Variants in NFATC1 observed in about 807,000 individuals in gnomAD.
NFATC1 encodes nuclear factor of activated T-cells, cytoplasmic 1.
In NFATC1, 22 loss-of-function variants were observed where a neutral mutation model predicts 76.0. That is an observed-to-expected ratio of 0.29 (90% confidence interval 0.21 to 0.41). The LOEUF is 0.41. NFATC1 is among the 10% of genes least tolerant of loss of function. The probability of loss-of-function intolerance (pLI) is 1.00; values close to 1 mark genes in which losing one functional copy is unlikely to be tolerated. For missense variants in NFATC1, 1,357 were observed against 1,337.7 expected (o/e 1.01, Z -0.23); for synonymous variants, 704 against 613.1 (o/e 1.15, Z -2.19).
chr18:79,492,865 C>G (rs1272140717), intron 9 of NFATC1, among the ~76,000 whole-genome samples: 3 of 139,550 alleles, frequency 2.1e-5, no homozygotes, highest in Non-Finnish European at 4.5e-5. Context: ...CAAAGCGAGA[C>G]TCCATCTCAA....
intron 1 of NFATC1, among the ~76,000 whole-genome samples, chr18:79,402,625 G>A (rs1030081963): frequency 7.2e-5 from 11 of 152,158 alleles, no homozygotes; most frequent in Non-Finnish European, 1.3e-4. Flanking sequence ...TTGGGGCTCC[G>A]AGCAGGAGAG....
At chr18:79,487,322 C>T (rs1031266041) in intron 9 of NFATC1, among the ~76,000 whole-genome samples, 14 of 152,220 alleles carry the variant, frequency 9.2e-5, no homozygotes, top group Admixed American at 7.2e-4. Flanking sequence ...GCAGTCGGGG[C>T]ATCGTGGGTG....
At chr18:79,450,084 G>A (rs997270326) in intron 4 of NFATC1, among the ~76,000 whole-genome samples, 10 of 152,152 alleles carry the variant, frequency 6.6e-5, no homozygotes, top group Non-Finnish European at 1.3e-4. Flanking sequence ...TGGCGGCTGC[G>A]TTCACCCCAC....
chr18:79,482,148 G>T (rs2089299089), intron 8 of NFATC1, among the ~76,000 whole-genome samples: 1 of 147,684 alleles, frequency 6.8e-6, no homozygotes. Context: ...CGTTCCTGGG[G>T]TGTAATTCCA....
At chr18:79,453,465 C>T (rs770624782) in intron 6 of NFATC1, among the ~76,000 whole-genome samples, 3 of 152,268 alleles carry the variant, frequency 2.0e-5, no homozygotes, top group Non-Finnish European at 2.9e-5. Context: ...AGGACCAGCC[C>T]TGGCCTCATG....
chr18:79,449,759 C>T (rs958687346), intron 4 of NFATC1, among the ~76,000 whole-genome samples: 2 of 152,136 alleles, frequency 1.3e-5, no homozygotes, highest in African/African-American at 4.8e-5. Flanking sequence ...GTGCCCCATC[C>T]AGGTGGAGCC....
chr18:79,462,317 T>A (rs2088149384), intron 7 of NFATC1, among the ~76,000 whole-genome samples: 2 of 152,190 alleles, frequency 1.3e-5, no homozygotes, highest in South Asian at 4.1e-4. Flanking sequence ...AGACCATTGA[T>A]GTTTAGGTCT....
At chr18:79,445,207 G>A (rs1042904786) in intron 3 of NFATC1, among the ~76,000 whole-genome samples, 1 of 152,236 alleles carries the variant, frequency 6.6e-6, no homozygotes, top group Non-Finnish European at 1.5e-5. Context: ...GTGTGCTGTT[G>A]ACTCATCTGC....
chr18:79,448,524 G>A, intron 3 of NFATC1: 1 of 517,668 alleles, frequency 1.9e-6, no homozygotes, highest in Non-Finnish European at 3.4e-6. Context: ...CCTCAGAATG[G>A]GCACACACAG....
chr18:79,455,182 C>T (rs779649406), intron 6 of NFATC1, among the ~76,000 whole-genome samples: 16 of 152,212 alleles, frequency 1.1e-4, no homozygotes, highest in African/African-American at 3.4e-4. Context: ...GTTCTGGTGC[C>T]GTTTTTTAAA....
At chr18:79,419,472 C>T (rs28416226) in intron 2 of NFATC1, among the ~76,000 whole-genome samples, 5,655 of 142,812 alleles carry the variant, frequency 0.04, 389 homozygotes, top group African/African-American at 0.13. Context: ...CACCTGCCTG[C>T]CCGGGAGCCC....
chr18:79,414,638 C>T (rs891258345), intron 2 of NFATC1, among the ~76,000 whole-genome samples: 5 of 152,168 alleles, frequency 3.3e-5, no homozygotes, highest in South Asian at 2.1e-4. Context: ...TAGAGCTCAG[C>T]GGAATGATGT....
intron 6 of NFATC1, among the ~76,000 whole-genome samples, chr18:79,459,571 G>A (rs928416838): frequency 6.6e-6 from 1 of 152,112 alleles, no homozygotes; most frequent in Non-Finnish European, 1.5e-5. Flanking sequence ...CCTTGCCAGT[G>A]CCAAAGGCCT....
chr18:79,472,987 G>T (rs901500690), intron 8 of NFATC1, among the ~76,000 whole-genome samples: 9 of 152,360 alleles, frequency 5.9e-5, no homozygotes, highest in Admixed American at 5.9e-4. Flanking sequence ...GCCATGTCCT[G>T]CACAGGAACC....
intron 8 of NFATC1, among the ~76,000 whole-genome samples, chr18:79,483,094 A>C (rs1403331064): frequency 8.8e-6 from 1 of 114,160 alleles, no homozygotes; most frequent in Non-Finnish European, 1.8e-5. Flanking sequence ...CTGGGGTGTA[A>C]TTCCAGCGTG....
At chr18:79,400,383 C>T (rs1412481571) in intron 1 of NFATC1, 1 of 1,480,356 alleles carries the variant, frequency 6.8e-7, no homozygotes, top group Admixed American at 2.4e-5. Context: ...GGCCCCGGCC[C>T]GACCCGCCAT....
intron 1 of NFATC1, among the ~76,000 whole-genome samples, chr18:79,403,954 C>T (rs986279489): frequency 6.6e-6 from 1 of 152,184 alleles, no homozygotes; most frequent in Non-Finnish European, 1.5e-5. Context: ...TTTAGGAAAG[C>T]GTTCCTGCTA....
At chr18:79,433,464 C>T (rs2086666327) in intron 2 of NFATC1, 115 bp from the exon 3 acceptor site, 1 of 1,222,924 alleles carries the variant, frequency 8.2e-7, no homozygotes, top group Non-Finnish European at 1.2e-6. Flanking sequence ...CATGTCAGGA[C>T]GTGCACTCGC....
intron 3 of NFATC1, among the ~76,000 whole-genome samples, chr18:79,435,352 G>GTTTT (rs768119556): frequency 4.5e-5 from 5 of 111,398 alleles, no homozygotes; most frequent in South Asian, 2.9e-4. Flanking sequence ...TGGTTTGTTT[G>GTTTT]TTTTTTTTTT....
Sources: gnomAD v4.1 joint callset for allele counts (sites outside exome capture counted in the v4.1 genomes callset) on GRCh38, gnomAD v4.1.1 for gene constraint, MANE v1.5 for transcripts, NCBI Gene and HGNC (gene_info 2026-07-23, HGNC 2026-07-21) for gene names.